Variants in STIM1 observed in about 807,000 individuals in gnomAD.
The protein encoded by STIM1 is stromal interaction molecule 1.
A neutral mutation model predicts 74.7 loss-of-function variants in STIM1; 25 were observed. That is an observed-to-expected ratio of 0.33 (90% CI 0.24 to 0.47). The LOEUF (loss-of-function observed/expected upper bound fraction) is 0.47. Among genes scored for constraint, STIM1 ranks in the 20% least tolerant of loss-of-function variants. STIM1 has a pLI of 1.00. For synonymous variants in STIM1, 328 were observed against 348.8 expected (o/e 0.94, Z 0.66); for missense variants, 728 against 920.8 (o/e 0.79, Z 2.71).
At chr11:3,963,909 A>G (rs761550232) in intron 1 of STIM1, among the ~76,000 whole-genome samples, 15 of 152,218 alleles carry the variant, frequency 9.9e-5, no homozygotes, top group Non-Finnish European at 1.9e-4. Context: ...TCAGACAGGG[A>G]AAGTGGCCGA....
At chr11:3,926,191 A>G (rs1207016341) in intron 1 of STIM1, among the ~76,000 whole-genome samples, 3 of 152,160 alleles carry the variant, frequency 2.0e-5, no homozygotes, top group Non-Finnish European at 4.4e-5. Context: ...TTGAGAAAAA[A>G]ATATAAACCA....
chr11:4,021,363 C>T (rs927530689), intron 2 of STIM1, among the ~76,000 whole-genome samples: 5 of 152,254 alleles, frequency 3.3e-5, no homozygotes, highest in Middle Eastern at 3.4e-3. Flanking sequence ...CAGCTTCAGG[C>T]GATCCACCTG....
chr11:3,916,088 A>T (rs1163918228), intron 1 of STIM1, among the ~76,000 whole-genome samples: 1 of 152,182 alleles, frequency 6.6e-6, no homozygotes, highest in Non-Finnish European at 1.5e-5. Flanking sequence ...AGATTAAAAA[A>T]TAAAAAATCT....
At chr11:3,947,020 C>T (rs1462017571) in intron 1 of STIM1, among the ~76,000 whole-genome samples, 4 of 151,566 alleles carry the variant, frequency 2.6e-5, no homozygotes, top group Admixed American at 6.6e-5. Context: ...TTAGTTTCCT[C>T]ATCTGTAAAA....
rs574258055 is a variant in STIM1 at position 3,999,948 on chromosome 11, G to A, written c.271-23925G>A. ...GGAGATTATATCCTGCACCTGGCTCGGAGGGTCCTACGCCCATGGAGTCTT... is the reference window on the plus strand; with the variant it reads ...GGAGATTATATCCTGCACCTGGCTCAGAGGGTCCTACGCCCATGGAGTCTT... On this transcript the variant is annotated intron_variant, in intron 2 of 12. Transcript: ENST00000526596. 1.9e-4 allele frequency among the ~76,000 whole-genome samples: 29 copies of A among 152,208 alleles called. No individual in the cohort carries two copies. In the East Asian group the frequency reaches 4.3e-3, roughly 22 times the overall value.
chr11:4,026,769 A>G (rs1379227244), intron 3 of STIM1, among the ~76,000 whole-genome samples: 2 of 152,244 alleles, frequency 1.3e-5, no homozygotes, highest in African/African-American at 2.4e-5. Context: ...AGGGTCCTGA[A>G]TATGGCACTT....
At chr11:3,868,176 A>C (rs2090938779) in intron 1 of STIM1, 1 of 115,504 alleles carries the variant, frequency 8.7e-6, no homozygotes, top group Admixed American at 9.1e-5. Context: ...GTCTTGTTTC[A>C]AGAAACTTTT....
intron 12 of STIM1, chr11:4,088,612 A>G: frequency 8.1e-7 from 1 of 1,237,166 alleles, no homozygotes; most frequent in Non-Finnish European, 1.1e-6. Context: ...TCCAAGGTTT[A>G]AGCTGAGGGC....
At chr11:4,006,677 G>A (rs1173356133) in intron 2 of STIM1, among the ~76,000 whole-genome samples, 1 of 152,188 alleles carries the variant, frequency 6.6e-6, no homozygotes, top group East Asian at 1.9e-4. Flanking sequence ...GGTTCCCAAA[G>A]TGCTGGGATT....
At chr11:3,900,562 A>T (rs1565107695) in intron 1 of STIM1, among the ~76,000 whole-genome samples, 1 of 152,144 alleles carries the variant, frequency 6.6e-6, no homozygotes, top group Non-Finnish European at 1.5e-5. Context: ...AGCTGTTCCT[A>T]TTCGGCCATC....
chr11:3,886,149 C>T (rs10835239), intron 1 of STIM1, among the ~76,000 whole-genome samples: 39,440 of 152,148 alleles, frequency 0.26, 5,805 homozygotes, highest in South Asian at 0.4. Context: ...GAATATCACA[C>T]ATTATAGGCC....
chr11:3,990,503 A>G (rs961902155), intron 2 of STIM1, among the ~76,000 whole-genome samples: 1 of 152,180 alleles, frequency 6.6e-6, no homozygotes, highest in Non-Finnish European at 1.5e-5. Flanking sequence ...TGTTTTAGGA[A>G]CTGCCAGAGT....
At chr11:3,932,458 C>T (rs113194728) in intron 1 of STIM1, among the ~76,000 whole-genome samples, 6 of 152,050 alleles carry the variant, frequency 3.9e-5, no homozygotes, top group South Asian at 4.2e-4. Context: ...GTCAGGAGAT[C>T]GAGACCATCA....
chr11:4,089,023 G>A (rs1590701678), intron 12 of STIM1: 2 of 341,276 alleles, frequency 5.9e-6, no homozygotes, highest in East Asian at 1.2e-4. Context: ...CTTAAGCCCA[G>A]GAGTTTGAGA....
rs200983251 is a variant in STIM1 at position 4,091,824 on chromosome 11, C to T, written c.*26C>T. On this transcript the variant is annotated 3_prime_UTR_variant, in exon 13 of 13. Coordinates refer to ENST00000526596, the MANE Select transcript of STIM1 (RefSeq NM_001382567.1). ...GCAGGATGGGGTGGCAGTAAAGGGACAGCTTGTCCTTCCCTGGGTGTTCTG... is the reference window on the plus strand; with the variant it reads ...GCAGGATGGGGTGGCAGTAAAGGGATAGCTTGTCCTTCCCTGGGTGTTCTG... 36 of 1,599,920 alleles carry T rather than the reference C, an allele frequency of 2.3e-5. No individual in the cohort carries two copies. The African/African-American group carries it at 4.0e-4, about 18-fold the overall frequency.
chr11:3,907,884 A>G (rs1013840368), intron 1 of STIM1, among the ~76,000 whole-genome samples: 14 of 152,162 alleles, frequency 9.2e-5, no homozygotes, highest in African/African-American at 3.4e-4. Context: ...TTCTTACTCT[A>G]ACTTTCTGCA....
At chr11:3,875,362 T>G (rs2091274384) in intron 1 of STIM1, among the ~76,000 whole-genome samples, 1 of 152,220 alleles carries the variant, frequency 6.6e-6, no homozygotes, top group African/African-American at 2.4e-5. Flanking sequence ...ATCTCAGACC[T>G]TTTTCTGTGC....
intron 1 of STIM1, among the ~76,000 whole-genome samples, chr11:3,859,648 G>A (rs753198707): frequency 6.6e-6 from 1 of 152,232 alleles, no homozygotes; most frequent in African/African-American, 2.4e-5. Flanking sequence ...ATCAACCTCT[G>A]ATGGAGTGGC....
At chr11:4,080,059 GAAATAAATAAAT>G (rs142489170) in intron 7 of STIM1, among the ~76,000 whole-genome samples, 14 of 151,520 alleles carry the variant, frequency 9.2e-5, no homozygotes, top group East Asian at 5.8e-4. Flanking sequence ...TCTCTACCAA[GAAATAAATAAAT>G]AAATAAATAA....
Sources: allele counts gnomAD v4.1 joint callset (sites outside exome capture counted in the v4.1 genomes callset), GRCh38; gene constraint gnomAD v4.1.1; transcripts MANE v1.5; gene names NCBI Gene and HGNC (gene_info 2026-07-23, HGNC 2026-07-21).